UVRAG: variants seen among roughly 807,000 people sequenced by gnomAD.
UVRAG encodes UV radiation resistance-associated gene protein.
UVRAG carries 19 observed loss-of-function variants against 78.0 expected under a neutral mutation model. That is an observed-to-expected ratio of 0.24 (90% confidence interval 0.17 to 0.36). UVRAG has a LOEUF of 0.36. UVRAG is among the 10% of genes least tolerant of loss of function. The pLI, the probability that UVRAG is intolerant of heterozygous loss-of-function variation, is 1.00. For synonymous variants in UVRAG, 323 were observed against 324.6 expected (o/e 1.00, Z 0.05); for missense variants, 740 against 853.8 (o/e 0.87, Z 1.66).
rs111291358 is a variant in UVRAG at position 76,097,809 on chromosome 11, G to A, written c.1306-18115G>A. On this transcript the variant is annotated intron_variant, in intron 13 of 14. Transcript: ENST00000356136. ...ATAGCTAGTTGAAATTCTATTTGAA[G>A]TGTATATATTCATTCTGTTAAACAT... 6.8e-3 allele frequency among the ~76,000 whole-genome samples: 1,030 copies of A among 152,188 alleles called. 16 individuals carry two copies. Among genetic ancestry groups the A allele is most frequent in the African/African-American group, 0.024 (988 of 41,518 alleles).
At chr11:75,829,957 G>A (rs1240450834) in intron 1 of UVRAG, among the ~76,000 whole-genome samples, 1 of 151,882 alleles carries the variant, frequency 6.6e-6, no homozygotes, top group Non-Finnish European at 1.5e-5. Flanking sequence ...CTCGTGCCTC[G>A]GCCTCCCACG....
intron 12 of UVRAG, among the ~76,000 whole-genome samples, chr11:76,021,165 A>G (rs967464240): frequency 6.6e-6 from 1 of 152,164 alleles, no homozygotes; most frequent in African/African-American, 2.4e-5. Flanking sequence ...AGCTATATGA[A>G]GTTAAAACCA....
chr11:75,866,378 A>G lies in UVRAG; in HGVS notation c.270+4598A>G, dbSNP rs538478825. ...TCTACAATAAATAAATAAATAAATA[A>G]ATAAAATAAAATAAAATAATTAGCT... is the stretch of plus-strand genomic sequence containing the variant. On this transcript the variant is annotated intron_variant, in intron 3 of 14. Transcript: ENST00000356136. Among the ~76,000 whole-genome samples the G allele has an allele frequency of 1.8e-4, 27 of 151,596 alleles. No homozygotes were observed. In the South Asian group the frequency reaches 5.6e-3, roughly 32 times the overall value.
intron 6 of UVRAG, among the ~76,000 whole-genome samples, chr11:75,951,979 A>G (rs115125004): frequency 0.023 from 3,521 of 152,266 alleles, 129 homozygotes; most frequent in African/African-American, 0.08. Flanking sequence ...CCATGAAATG[A>G]TATATGTCTC....
chr11:76,124,994 A>G (rs17134583), intron 14 of UVRAG, among the ~76,000 whole-genome samples: 2,239 of 152,338 alleles, frequency 0.015, 51 homozygotes, highest in African/African-American at 0.051. Flanking sequence ...GGCAGTATCC[A>G]GTATTTAAAT....
chr11:76,034,264 T>C (rs1242524511), intron 12 of UVRAG, among the ~76,000 whole-genome samples: 1 of 152,184 alleles, frequency 6.6e-6, no homozygotes, highest in East Asian at 1.9e-4. Flanking sequence ...AGTAGTGTAG[T>C]CATAGCAGCT....
chr11:76,121,971 T>C (rs1952287644), intron 14 of UVRAG, among the ~76,000 whole-genome samples: 3 of 152,092 alleles, frequency 2.0e-5, no homozygotes, highest in Non-Finnish European at 4.4e-5. Flanking sequence ...GTCTTACTCA[T>C]CTCTGTGGTC....
chr11:76,036,501 A>G (rs1467302428), intron 12 of UVRAG, among the ~76,000 whole-genome samples: 2 of 152,138 alleles, frequency 1.3e-5, no homozygotes, highest in African/African-American at 2.4e-5. Flanking sequence ...TCCTGCCACT[A>G]CCCGACTTCA....
chr11:75,845,933 T>C (rs1946022716), intron 1 of UVRAG, among the ~76,000 whole-genome samples: 1 of 152,188 alleles, frequency 6.6e-6, no homozygotes, highest in African/African-American at 2.4e-5. Context: ...CTGCATAGAA[T>C]GTTATCTTAA....
chr11:76,021,938 C>T (rs1353674927), intron 12 of UVRAG, among the ~76,000 whole-genome samples: 1 of 152,080 alleles, frequency 6.6e-6, no homozygotes, highest in Non-Finnish European at 1.5e-5. Context: ...CCTATAGTCC[C>T]AGCTACTCAA....
intron 14 of UVRAG, among the ~76,000 whole-genome samples, chr11:76,132,200 C>G (rs1438068916): frequency 6.6e-6 from 1 of 152,146 alleles, no homozygotes; most frequent in Non-Finnish European, 1.5e-5. Context: ...TTCTGGTGGC[C>G]GTAAACCAAC....
intron 7 of UVRAG, among the ~76,000 whole-genome samples, chr11:75,981,433 C>T (rs1949389545): frequency 6.6e-6 from 1 of 150,718 alleles, no homozygotes; most frequent in Admixed American, 6.6e-5. Context: ...AGTTTTTAGC[C>T]ACTATTTCTT....
intron 11 of UVRAG, among the ~76,000 whole-genome samples, chr11:76,011,237 T>G (rs774435906): frequency 2.0e-5 from 3 of 152,230 alleles, no homozygotes; most frequent in Non-Finnish European, 4.4e-5. Flanking sequence ...AATAAATGTT[T>G]AATTTTACTC....
chr11:75,829,950 G>A (rs940350757), intron 1 of UVRAG, among the ~76,000 whole-genome samples: 1 of 151,970 alleles, frequency 6.6e-6, no homozygotes, highest in Admixed American at 6.6e-5. Context: ...AGCAATTCTC[G>A]TGCCTCGGCC....
chr11:75,966,838 T>G (rs1204715152), intron 7 of UVRAG, among the ~76,000 whole-genome samples: 2 of 152,200 alleles, frequency 1.3e-5, no homozygotes, highest in East Asian at 1.9e-4. Flanking sequence ...GTTCTTTTAC[T>G]CTTAGGCACA....
intron 13 of UVRAG, among the ~76,000 whole-genome samples, chr11:76,082,724 T>C (rs1251060934): frequency 1.3e-5 from 2 of 152,056 alleles, no homozygotes; most frequent in Non-Finnish European, 2.9e-5. Context: ...TGTCTTAGCT[T>C]TACACATAAG....
intron 14 of UVRAG, among the ~76,000 whole-genome samples, 167 bp downstream of exon 14, chr11:76,116,182 T>C (rs1018110968): frequency 1.3e-5 from 2 of 152,164 alleles, no homozygotes; most frequent in African/African-American, 4.8e-5. Context: ...TAAGCTCCCG[T>C]CTGGCTAAGG....
At chr11:75,822,668 T>TG (rs955523472) in intron 1 of UVRAG, among the ~76,000 whole-genome samples, 2 of 149,640 alleles carry the variant, frequency 1.3e-5, no homozygotes, top group South Asian at 4.2e-4. Flanking sequence ...TTACTGTTTT[T>TG]TTTTTTTTTT....
chr11:76,062,522 T>C (rs1051372806), intron 12 of UVRAG, among the ~76,000 whole-genome samples: 20 of 152,322 alleles, frequency 1.3e-4, no homozygotes, highest in African/African-American at 3.6e-4. Flanking sequence ...TCTTTTTCTC[T>C]CTGAAAGTCC....
Sources: allele counts gnomAD v4.1 joint callset (sites outside exome capture counted in the v4.1 genomes callset), GRCh38; gene constraint gnomAD v4.1.1; transcripts MANE v1.5; gene names NCBI Gene and HGNC (gene_info 2026-07-23, HGNC 2026-07-21).